The following ROBO1 variants were observed in gnomAD, a reference collection of about 807,000 sequenced individuals.
The protein encoded by ROBO1 is roundabout guidance receptor 1.
ROBO1 carries 149 observed loss-of-function variants against 195.9 expected under a neutral mutation model. That is an observed-to-expected ratio of 0.76 (90% CI 0.67 to 0.87). The LOEUF (loss-of-function observed/expected upper bound fraction) is 0.87. Among genes scored for constraint, ROBO1 ranks in the 40% least tolerant of loss-of-function variants. The probability of loss-of-function intolerance (pLI) is 0.00; values close to 1 mark genes in which losing one functional copy is unlikely to be tolerated. For missense variants in ROBO1, 1,933 were observed against 2,068.3 expected, an observed-to-expected ratio of 0.93 and a Z score of 1.27; for synonymous variants, 816 against 733.2, an observed-to-expected ratio of 1.11 and a Z score of -1.82.
chr3:79,660,970 C>G (rs747219078), intron 1 of ROBO1, among the ~76,000 whole-genome samples: 3 of 152,040 alleles, frequency 2.0e-5, no homozygotes, highest in Non-Finnish European at 4.4e-5. Flanking sequence ...TATCCTTCAG[C>G]CTTCTAATTT....
chr3:78,618,930 T>C (rs370177926), intron 26 of ROBO1, among the ~76,000 whole-genome samples: 2 of 152,154 alleles, frequency 1.3e-5, no homozygotes, highest in East Asian at 1.9e-4. Flanking sequence ...CCACAGTGAA[T>C]AGATGACCGA....
At chr3:79,159,274 T>C (rs2080912840) in intron 2 of ROBO1, among the ~76,000 whole-genome samples, 2 of 151,994 alleles carry the variant, frequency 1.3e-5, no homozygotes, top group Admixed American at 6.6e-5. Flanking sequence ...TGCAATACTA[T>C]AATATCAATT....
intron 4 of ROBO1, among the ~76,000 whole-genome samples, chr3:78,873,004 GA>G (rs1179283213): frequency 1.3e-5 from 2 of 151,980 alleles, no homozygotes; most frequent in Non-Finnish European, 2.9e-5. Flanking sequence ...TTAAGAAAAG[GA>G]AAAAATGCCT....
chr3:79,355,305 C>T (rs1014434808), intron 2 of ROBO1, among the ~76,000 whole-genome samples: 3 of 151,898 alleles, frequency 2.0e-5, no homozygotes, highest in African/African-American at 4.8e-5. Flanking sequence ...GTAATAAGTG[C>T]AATTTACGGG....
intron 17 of ROBO1, among the ~76,000 whole-genome samples, chr3:78,658,758 A>G (rs1340837412): frequency 6.6e-6 from 1 of 152,218 alleles, no homozygotes. Context: ...TATAGTTTCA[A>G]TACATAACAC....
intron 2 of ROBO1, among the ~76,000 whole-genome samples, chr3:79,184,983 C>T (rs1341106367): frequency 1.3e-5 from 2 of 152,064 alleles, no homozygotes; most frequent in Non-Finnish European, 2.9e-5. Context: ...CTTCCATGTC[C>T]ACATTCTAGC....
intron 24 of ROBO1, among the ~76,000 whole-genome samples, chr3:78,631,655 C>T (rs1243274420): frequency 2.0e-5 from 3 of 152,134 alleles, no homozygotes; most frequent in African/African-American, 7.2e-5. Flanking sequence ...TATTTAATTG[C>T]TGGAACTTAA....
chr3:78,696,651 T>C (rs145794620), intron 8 of ROBO1, among the ~76,000 whole-genome samples: 2,404 of 140,800 alleles, frequency 0.017, 45 homozygotes, highest in African/African-American at 0.056. Flanking sequence ...TATATATATA[T>C]ACACATATAT....
At chr3:78,748,814 C>G (rs1468852582) in intron 4 of ROBO1, among the ~76,000 whole-genome samples, 1 of 152,064 alleles carries the variant, frequency 6.6e-6, no homozygotes, top group African/African-American at 2.4e-5. Flanking sequence ...GAAACTACTG[C>G]TTCAAAGAGA....
At chr3:78,919,096 A>G (rs1333744156) in intron 4 of ROBO1, among the ~76,000 whole-genome samples, 2 of 152,162 alleles carry the variant, frequency 1.3e-5, no homozygotes, top group African/African-American at 4.8e-5. Context: ...TATGCCTACA[A>G]CCCTCAGACA....
intron 2 of ROBO1, among the ~76,000 whole-genome samples, chr3:79,561,377 G>T (rs532112625): frequency 6.6e-5 from 10 of 152,290 alleles, no homozygotes; most frequent in African/African-American, 2.4e-4. Flanking sequence ...TTGTGACACT[G>T]GGAGCATGGG....
intron 1 of ROBO1, among the ~76,000 whole-genome samples, chr3:79,722,437 A>T (rs1479014697): frequency 6.6e-6 from 1 of 152,200 alleles, no homozygotes; most frequent in East Asian, 1.9e-4. Context: ...ATACATTTTG[A>T]TAGTGATTTC....
At chr3:79,446,320 T>C (rs963103621) in intron 2 of ROBO1, among the ~76,000 whole-genome samples, 1 of 152,318 alleles carries the variant, frequency 6.6e-6, no homozygotes, top group South Asian at 2.1e-4. Flanking sequence ...AATCAAATTA[T>C]AGGAGTCTAT....
At chr3:79,584,148 T>C (rs1943743357) in intron 2 of ROBO1, among the ~76,000 whole-genome samples, 1 of 151,666 alleles carries the variant, frequency 6.6e-6, no homozygotes. Context: ...AAAGAATGGA[T>C]AGATAGAGTC....
chr3:79,055,087 T>A (rs1457084188), intron 3 of ROBO1, among the ~76,000 whole-genome samples: 1 of 152,112 alleles, frequency 6.6e-6, no homozygotes, highest in East Asian at 1.9e-4. Flanking sequence ...ACTGGCCCTT[T>A]ACCTCAAGGT....
At chr3:79,208,270 T>G (rs1467734422) in intron 2 of ROBO1, among the ~76,000 whole-genome samples, 1 of 152,214 alleles carries the variant, frequency 6.6e-6, no homozygotes, top group East Asian at 1.9e-4. Flanking sequence ...AAATGCCTGG[T>G]AGACCTCATT....
chr3:78,601,319 CA>C (rs1559630680), intron 29 of ROBO1, among the ~76,000 whole-genome samples: 1 of 152,150 alleles, frequency 6.6e-6, no homozygotes, highest in African/African-American at 2.4e-5. Flanking sequence ...TATCCTTGCA[CA>C]AAAACATCTC....
intron 5 of ROBO1, among the ~76,000 whole-genome samples, chr3:78,740,532 C>T (rs1456014926): frequency 2.0e-5 from 3 of 149,120 alleles, no homozygotes; most frequent in Non-Finnish European, 3.0e-5. Flanking sequence ...AGTGCAATGG[C>T]GCGACCTCGG....
At chr3:79,162,799 A>G (rs928940887) in intron 2 of ROBO1, among the ~76,000 whole-genome samples, 5 of 152,136 alleles carry the variant, frequency 3.3e-5, no homozygotes. Context: ...AGCAGCAAGC[A>G]TGAGATTCTG....
Sources: allele counts gnomAD v4.1 joint callset (sites outside exome capture counted in the v4.1 genomes callset), GRCh38; gene constraint gnomAD v4.1.1; transcripts MANE v1.5; gene names NCBI Gene and HGNC (gene_info 2026-07-23, HGNC 2026-07-21).